MTA3: variants seen among roughly 807,000 people sequenced by gnomAD.
MTA3 encodes the protein metastasis-associated protein MTA3.
MTA3 carries 34 observed loss-of-function variants against 83.5 expected under a neutral mutation model. The ratio of observed to expected loss-of-function variants is 0.41; its 90% confidence interval spans 0.31 to 0.54. MTA3 has a LOEUF of 0.54. Among genes scored for constraint, MTA3 ranks in the 20% least tolerant of loss-of-function variants. The pLI, the probability that MTA3 is intolerant of heterozygous loss-of-function variation, is 0.33. For synonymous variants in MTA3, 303 were observed against 252.7 expected (o/e 1.20, Z -1.89); for missense variants, 761 against 726.4 (o/e 1.05, Z -0.55).
At chr2:42,677,450 C>G (rs1691476615) in intron 8 of MTA3, among the ~76,000 whole-genome samples, 1 of 152,100 alleles carries the variant, frequency 6.6e-6, no homozygotes. Context: ...TCAAGTGATT[C>G]TCCTGCCTCA....
At chr2:42,496,447 C>G (rs762420512) in intron 2 of MTA3, among the ~76,000 whole-genome samples, 1 of 152,040 alleles carries the variant, frequency 6.6e-6, no homozygotes, top group African/African-American at 2.4e-5. Flanking sequence ...ATTCTTTGTA[C>G]TTTGAGAAGA....
intron 2 of MTA3, among the ~76,000 whole-genome samples, chr2:42,505,575 G>A (rs1469504327): frequency 2.0e-5 from 3 of 151,828 alleles, no homozygotes; most frequent in African/African-American, 4.8e-5. Context: ...GAACCAGTTA[G>A]GTGATGCCAG....
rs1678082693 is a variant in MTA3, at chr2:42,568,698, C to T, written c.-48C>T. The T allele has an allele frequency of 6.7e-6, 8 of 1,191,022 alleles. No homozygotes were observed. Among genetic ancestry groups the T allele is most frequent in the South Asian group, 4.2e-5 (1 of 24,010 alleles). The allele number at this position is 1,191,022 out of a possible 1,614,324, so 73.8% of individuals were successfully genotyped here. ...GCGGCTGAGGCTGAGGAGGAGGCGG[C>T]GGCGGCGGGCGGGGCTCGGCTCGGG... On this transcript the variant is annotated 5_prime_UTR_variant, in exon 1 of 17. Transcript: ENST00000405094.
At chr2:42,723,861 G>C (rs1667611074) in intron 16 of MTA3, among the ~76,000 whole-genome samples, 1 of 152,164 alleles carries the variant, frequency 6.6e-6, no homozygotes, top group Admixed American at 6.5e-5. Flanking sequence ...AGGATGTGGA[G>C]TAGACCTTCT....
chr2:42,652,078 CAAGAAAAAA>C lies in MTA3; in HGVS notation c.500-4108_500-4100del, dbSNP rs565535556. 1.3e-4 allele frequency among the ~76,000 whole-genome samples: 20 copies of C among 150,560 alleles called. No individual in the cohort carries two copies. The East Asian group carries it at 2.1e-3, about 16-fold the overall frequency. ...CGGCATTGCACTCCAGGGTGGGCAA[CAAGAAAAAA>C]AAGAAAAAAAAGAGTAGGGTGAAGG... On this transcript the variant is annotated intron_variant, in intron 6 of 16. Coordinates refer to ENST00000405094, the MANE Select transcript of MTA3 (RefSeq NM_001330442.2).
At chr2:42,510,258 G>A (rs10168037) in intron 2 of MTA3, among the ~76,000 whole-genome samples, 57,077 of 150,244 alleles carry the variant, frequency 0.38, 11,187 homozygotes, top group African/African-American at 0.47. Flanking sequence ...CCCAGGAGGC[G>A]GAGGTTGCAG....
At chr2:42,751,416 G>A (rs1669862590) in intron 16 of MTA3, among the ~76,000 whole-genome samples, 1 of 152,206 alleles carries the variant, frequency 6.6e-6, no homozygotes, top group Non-Finnish European at 1.5e-5. Context: ...TTTTCCTGGG[G>A]CTCTCTGCCT....
intron 2 of MTA3, among the ~76,000 whole-genome samples, chr2:42,551,608 A>G (rs2103776864): frequency 6.6e-6 from 1 of 152,304 alleles, no homozygotes; most frequent in Non-Finnish European, 1.5e-5. Flanking sequence ...ACATATTGTA[A>G]GTACAATATA....
chr2:42,599,190 C>G (rs1682232099), intron 3 of MTA3, among the ~76,000 whole-genome samples: 1 of 152,114 alleles, frequency 6.6e-6, no homozygotes, highest in Non-Finnish European at 1.5e-5. Context: ...GTTTATAAGA[C>G]TTCTATGAGT....
chr2:42,532,942 CAG>C lies in MTA3; in HGVS notation c.-140-37490_-140-37489del, dbSNP rs747297028. 3.2e-5 allele frequency: 8 copies of C among 250,522 alleles called. No homozygotes were observed. The East Asian group carries it at 7.6e-4, about 24-fold the overall frequency. 15.5% of individuals were successfully genotyped at this position (250,522 alleles called of 1,614,324 possible). On this transcript the variant is annotated intron_variant, in intron 2 of 17. Coordinates refer to the MTA3 transcript ENST00000405592. ...CGCGCTTCAGGAAGCTCTCTCAGCT[CAG>C]AGAGTGCTTAATGTGCTCAATATGC...
intron 14 of MTA3, among the ~76,000 whole-genome samples, chr2:42,717,913 ACTGATTCCACCTT>A (rs1667139574): frequency 6.6e-6 from 1 of 152,098 alleles, no homozygotes. Context: ...TTACGTTAAG[ACTGATTCCACCTT>A]GTGCTTTACG....
At chr2:42,530,948 G>T (rs1194199245) in intron 2 of MTA3, among the ~76,000 whole-genome samples, 1 of 152,000 alleles carries the variant, frequency 6.6e-6, no homozygotes, top group Non-Finnish European at 1.5e-5. Context: ...TCCTGCCTCA[G>T]CTCCCCGAGT....
chr2:42,615,274 T>A (rs1424589429), intron 4 of MTA3, among the ~76,000 whole-genome samples: 1 of 151,524 alleles, frequency 6.6e-6, no homozygotes, highest in Non-Finnish European at 1.5e-5. Flanking sequence ...TTTTTTTTTT[T>A]AATGTTTACT....
At position 42,756,712 on chromosome 2, in the gene MTA3, T is replaced by C. The variant is rs1028418231; in HGVS notation, c.*3313T>C. ...CTCAGTTAGCAGCCCCTCCTCACCA[T>C]TCCCCCCAGGAAGGCCATGTCCCAG... On this transcript the variant is annotated 3_prime_UTR_variant, in exon 17 of 17. Transcript: ENST00000405094. 5 of 985,306 alleles carry C rather than the reference T, an allele frequency of 5.1e-6. No individual in the cohort carries two copies. In the African/African-American group the frequency reaches 7.0e-5, roughly 14 times the overall value. The allele number at this position is 985,306 out of a possible 1,614,324, so 61.0% of individuals were successfully genotyped here. A position where few individuals can be genotyped will look rare whatever the true frequency, so the allele number is the denominator to read the frequency against.
intron 4 of MTA3, among the ~76,000 whole-genome samples, chr2:42,634,628 G>C (rs1218047119): frequency 6.6e-6 from 1 of 152,192 alleles, no homozygotes; most frequent in Non-Finnish European, 1.5e-5. Context: ...TGGGGACACA[G>C]AGCCAAACCA....
At chr2:42,561,226 C>T (rs990666475) in intron 2 of MTA3, among the ~76,000 whole-genome samples, 1 of 152,140 alleles carries the variant, frequency 6.6e-6, no homozygotes, top group Non-Finnish European at 1.5e-5. Context: ...ATACAAAAGG[C>T]CTTCCCTTAC....
chr2:42,679,982 C>G (rs1004762737), intron 8 of MTA3: 1 of 152,060 alleles, frequency 6.6e-6, no homozygotes, highest in Non-Finnish European at 1.5e-5. Context: ...TAGCATCTAT[C>G]TAGAAAAGAT....
At chr2:42,658,576 C>G (rs72801619) in intron 7 of MTA3, among the ~76,000 whole-genome samples, 1 of 152,244 alleles carries the variant, frequency 6.6e-6, no homozygotes, top group Non-Finnish European at 1.5e-5. Context: ...CTGTGTGATT[C>G]TATTTGAGCA....
upstream of MTA3, among the ~76,000 whole-genome samples, chr2:42,564,060 G>C (rs909618847): frequency 6.7e-6 from 1 of 148,828 alleles, no homozygotes; most frequent in Non-Finnish European, 1.5e-5. Flanking sequence ...CCTGACCTCA[G>C]GTGATCCGCC....
Sources: allele counts gnomAD v4.1 joint callset (sites outside exome capture counted in the v4.1 genomes callset), GRCh38; gene constraint gnomAD v4.1.1; transcripts MANE v1.5; gene names NCBI Gene and HGNC (gene_info 2026-07-23, HGNC 2026-07-21).